Variants in SATB2 observed in about 807,000 individuals in gnomAD.
The protein encoded by SATB2 is DNA-binding protein SATB2.
In SATB2, 1 loss-of-function variant was observed where a neutral mutation model predicts 73.4. That is an observed-to-expected ratio of 0.01 (90% CI 0.00 to 0.06). The LOEUF (loss-of-function observed/expected upper bound fraction) is 0.06. Ranked by LOEUF, SATB2 falls within the 10% of genes least tolerant of loss-of-function variation. The pLI is 1.00. For synonymous variants in SATB2, 397 were observed against 367.0 expected (o/e 1.08, Z -0.93); for missense variants, 459 against 945.8 (o/e 0.49, Z 6.75).
At chr2:199,324,301 GC>G (rs1393436600) in intron 8 of SATB2, among the ~76,000 whole-genome samples, 1 of 151,896 alleles carries the variant, frequency 6.6e-6, no homozygotes, top group African/African-American at 2.4e-5. Flanking sequence ...TCTAAAAATG[GC>G]ACACCTTGGA....
chr2:199,423,606 T>C (rs1691238240), intron 3 of SATB2: 1 of 152,128 alleles, frequency 6.6e-6, no homozygotes, highest in Admixed American at 6.5e-5. Context: ...AGGCCCCCTT[T>C]AAAGAAGTCT....
At chr2:199,290,721 T>C (rs1161871532) in intron 10 of SATB2, among the ~76,000 whole-genome samples, 1 of 152,186 alleles carries the variant, frequency 6.6e-6, no homozygotes, top group African/African-American at 2.4e-5. Flanking sequence ...AAGAAATATA[T>C]AGGATATTCC....
intron 10 of SATB2, among the ~76,000 whole-genome samples, chr2:199,298,213 A>G (rs1687175394): frequency 1.3e-5 from 2 of 152,148 alleles, no homozygotes; most frequent in East Asian, 3.9e-4. Context: ...ATAAACTTCA[A>G]ATAACCCCAT....
chr2:199,424,511 G>C (rs2105917677), intron 3 of SATB2, among the ~76,000 whole-genome samples: 1 of 152,194 alleles, frequency 6.6e-6, no homozygotes. Flanking sequence ...AGAAATAAAT[G>C]AATAGTTATG....
At chr2:199,396,996 T>C (rs1294439344) in intron 3 of SATB2, 1 of 151,932 alleles carries the variant, frequency 6.6e-6, no homozygotes, top group Non-Finnish European at 1.5e-5. Flanking sequence ...TCTTCCTGAA[T>C]GGCTGTTTAC....
At chr2:199,278,993 T>A (rs1391959352) in intron 10 of SATB2, among the ~76,000 whole-genome samples, 1 of 152,206 alleles carries the variant, frequency 6.6e-6, no homozygotes, top group Non-Finnish European at 1.5e-5. Context: ...GAAGTCCTAT[T>A]TCCAACAATT....
chr2:199,439,246 C>T lies in SATB2; in HGVS notation c.170-5732G>A, dbSNP rs548813825. ...ACTGTCTCCAGCCTCCTCCCTAGCT[C>T]CTTTGTCTCCTTGGTCCACCAGCAC... On this transcript the variant is annotated intron_variant, in intron 2 of 10. Transcript: ENST00000417098. 2.0e-5 allele frequency among the ~76,000 whole-genome samples: 3 copies of T among 152,380 alleles called. No homozygotes were observed. In the South Asian group the frequency reaches 6.2e-4, roughly 32 times the overall value.
At chr2:199,348,491 A>G (rs1222712737) in intron 7 of SATB2, 1 of 598,934 alleles carries the variant, frequency 1.7e-6, no homozygotes, top group Non-Finnish European at 2.9e-6. Flanking sequence ...AAAGATGTCC[A>G]TTACCTCATC....
chr2:199,468,962 G>T (rs1692649494), upstream of SATB2: 1 of 152,350 alleles, frequency 6.6e-6, no homozygotes, highest in Admixed American at 6.5e-5. Context: ...TGACCCAGGG[G>T]ACCGTGCGGG....
chr2:199,331,911 T>C (rs1688201526), intron 7 of SATB2, among the ~76,000 whole-genome samples: 1 of 152,186 alleles, frequency 6.6e-6, no homozygotes, highest in African/African-American at 2.4e-5. Context: ...TAAATATTTC[T>C]AAAGCCCTTG....
At chr2:199,318,555 T>C (rs943199374) in intron 9 of SATB2, among the ~76,000 whole-genome samples, 2 of 152,064 alleles carry the variant, frequency 1.3e-5, no homozygotes, top group Admixed American at 6.6e-5. Context: ...TGCAAACATA[T>C]ACACATTGAA....
intron 3 of SATB2, among the ~76,000 whole-genome samples, chr2:199,393,637 T>C (rs1690214210): frequency 6.6e-6 from 1 of 152,166 alleles, no homozygotes; most frequent in Admixed American, 6.6e-5. Context: ...ATGATAGCTT[T>C]GATTACTGTC....
chr2:199,471,124 G>A (rs1357323111), exon 1 of SATB2: 1 of 152,426 alleles, frequency 6.6e-6, no homozygotes, highest in Non-Finnish European at 1.5e-5. Flanking sequence ...GGGTATCCCA[G>A]GGCATCCGGA....
chr2:199,284,277 A>G (rs1193348754), intron 10 of SATB2, among the ~76,000 whole-genome samples: 1 of 152,234 alleles, frequency 6.6e-6, no homozygotes, highest in Admixed American at 6.5e-5. Context: ...AACCTTACAA[A>G]ATACAGTAAA....
At chr2:199,454,544 T>G (rs927498844) in intron 2 of SATB2, among the ~76,000 whole-genome samples, 29 of 152,120 alleles carry the variant, frequency 1.9e-4, no homozygotes, top group Admixed American at 6.6e-5. Context: ...TTTCTTTTGC[T>G]TCAATAAAGT....
intron 5 of SATB2, among the ~76,000 whole-genome samples, chr2:199,370,247 A>AT (rs760371633): frequency 0.011 from 1,579 of 137,876 alleles, 22 homozygotes; most frequent in African/African-American, 0.036. Flanking sequence ...TGTCTGTTTC[A>AT]TTTTTTTTTT....
chr2:199,302,637 G>T (rs1687318947), intron 10 of SATB2, among the ~76,000 whole-genome samples: 1 of 152,210 alleles, frequency 6.6e-6, no homozygotes, highest in Admixed American at 6.5e-5. Context: ...AGTAGGCTTT[G>T]AATAGGAGCT....
At chr2:199,400,209 C>A (rs1690430256) in intron 3 of SATB2, among the ~76,000 whole-genome samples, 1 of 152,268 alleles carries the variant, frequency 6.6e-6, no homozygotes, top group South Asian at 2.1e-4. Context: ...GTGAAACCTC[C>A]TTTCCCCATT....
At chr2:199,320,142 T>G (rs760646048) in intron 9 of SATB2, among the ~76,000 whole-genome samples, 7 of 152,064 alleles carry the variant, frequency 4.6e-5, no homozygotes, top group Non-Finnish European at 8.8e-5. Context: ...AGACAGAATG[T>G]GGGGCATTCG....
Sources: allele counts gnomAD v4.1 joint callset (sites outside exome capture counted in the v4.1 genomes callset), GRCh38; gene constraint gnomAD v4.1.1; transcripts MANE v1.5; gene names NCBI Gene and HGNC (gene_info 2026-07-23, HGNC 2026-07-21).